The following RABL3 variants were observed in gnomAD, a reference collection of about 807,000 sequenced individuals.
RABL3 encodes rab-like protein 3.
A neutral mutation model predicts 31.8 loss-of-function variants in RABL3; 31 were observed. The observed-to-expected ratio is 0.97, with a 90% CI of 0.73 to 1.31. The LOEUF is 1.31. Ranked by LOEUF, RABL3 falls within the 40% of genes most tolerant of loss-of-function variation. The probability of loss-of-function intolerance (pLI) is 0.00; values close to 1 mark genes in which losing one functional copy is unlikely to be tolerated. For missense variants in RABL3, 263 were observed against 279.6 expected (o/e 0.94, Z 0.42); for synonymous variants, 97 against 99.9 (o/e 0.97, Z 0.18).
At chr3:120,695,695 C>T (rs1241253213) in intron 5 of RABL3, among the ~76,000 whole-genome samples, 1 of 152,070 alleles carries the variant, frequency 6.6e-6, no homozygotes, top group Non-Finnish European at 1.5e-5. Context: ...CACATTTCTA[C>T]AGCAATTGGG....
At chr3:120,714,415 G>A (rs916763701) in intron 2 of RABL3, among the ~76,000 whole-genome samples, 1 of 152,114 alleles carries the variant, frequency 6.6e-6, no homozygotes, top group South Asian at 2.1e-4. Context: ...CATATGTATT[G>A]AAGGAAGAAA....
chr3:120,696,181 T>A (rs1363380962), intron 5 of RABL3, among the ~76,000 whole-genome samples: 1 of 152,238 alleles, frequency 6.6e-6, no homozygotes, highest in Non-Finnish European at 1.5e-5. Flanking sequence ...ACAATTTGCA[T>A]GTATTCAGGC....
chr3:120,701,551 A>G (rs1708491634), intron 4 of RABL3, among the ~76,000 whole-genome samples: 1 of 152,204 alleles, frequency 6.6e-6, no homozygotes. Flanking sequence ...TTAAGTAGAA[A>G]TTTTAGTAGA....
At chr3:120,729,673 G>A (rs910318423) in intron 2 of RABL3, among the ~76,000 whole-genome samples, 2 of 152,060 alleles carry the variant, frequency 1.3e-5, no homozygotes, top group South Asian at 4.1e-4. Flanking sequence ...ATGAAAAACT[G>A]TATAGATATA....
chr3:120,719,276 C>T (rs1281065681), intron 2 of RABL3, among the ~76,000 whole-genome samples: 1 of 152,206 alleles, frequency 6.6e-6, no homozygotes, highest in Admixed American at 6.5e-5. Context: ...GCGTGAGCGA[C>T]ACAGAAGACA....
At chr3:120,716,745 T>C (rs987845843) in intron 2 of RABL3, among the ~76,000 whole-genome samples, 1 of 152,208 alleles carries the variant, frequency 6.6e-6, no homozygotes, top group Non-Finnish European at 1.5e-5. Context: ...ACAAAAACTA[T>C]AACTGCAATA....
At chr3:120,718,174 A>G in intron 2 of RABL3, among the ~76,000 whole-genome samples, 1 of 151,916 alleles carries the variant, frequency 6.6e-6, no homozygotes, top group East Asian at 1.9e-4. Context: ...CCTATCCTCA[A>G]TCTCATTCTA....
chr3:120,693,652 T>A (rs1708404680), intron 6 of RABL3, among the ~76,000 whole-genome samples: 1 of 152,088 alleles, frequency 6.6e-6, no homozygotes, highest in Non-Finnish European at 1.5e-5. Flanking sequence ...AATAAAACAA[T>A]GTTAGCAGAG....
rs748922884 is a variant in RABL3 at position 120,709,826 on chromosome 3, G to A, written c.222C>T (p.Ala74=). 25 of 1,612,318 alleles carry A rather than the reference G, an allele frequency of 1.6e-5. No homozygotes were observed. The highest frequency in any genetic ancestry group is 4.0e-5 in the African/African-American group (3 of 74,854). ...CTGCTCTTGTGCTTTTCACGCTGCT[G>A]GCACTGCCCACAGAGCCTCCAACAT... ...LWDVGGSVGS[A]SSVKSTRAVF... Residue 74 remains alanine (A), a synonymous_variant, in exon 3 of 8, where the codon GCC becomes GCT. Coordinates refer to ENST00000273375, the MANE Select transcript of RABL3 (RefSeq NM_173825.5).
At chr3:120,721,939 C>T (rs1708747453) in intron 2 of RABL3, 1 of 152,190 alleles carries the variant, frequency 6.6e-6, no homozygotes, top group South Asian at 2.1e-4. Flanking sequence ...CAAAGCAATC[C>T]TCAGCAAATG....
At chr3:120,723,275 A>G (rs1214824290) in intron 2 of RABL3, among the ~76,000 whole-genome samples, 3 of 152,344 alleles carry the variant, frequency 2.0e-5, no homozygotes, top group East Asian at 3.9e-4. Flanking sequence ...GAATAGACCA[A>G]TAACAGGCTA....
At chr3:120,742,587 C>T, upstream of RABL3, 1 of 1,385,948 alleles carries the variant, frequency 7.2e-7, no homozygotes, top group Non-Finnish European at 1.0e-6. Flanking sequence ...GCAGAGCCTT[C>T]AATTTCATTG....
At chr3:120,727,115 A>C (rs537079799) in intron 2 of RABL3, among the ~76,000 whole-genome samples, 1 of 152,178 alleles carries the variant, frequency 6.6e-6, no homozygotes, top group African/African-American at 2.4e-5. Context: ...TCAACAAGTT[A>C]GAAAGAAGAC....
chr3:120,717,282 AC>A (rs1278301962), intron 2 of RABL3, among the ~76,000 whole-genome samples: 2 of 113,394 alleles, frequency 1.8e-5, no homozygotes, highest in Non-Finnish European at 4.5e-5. Flanking sequence ...AAAAAAAACA[AC>A]AAAAAAAAAA....
intron 2 of RABL3, among the ~76,000 whole-genome samples, chr3:120,714,060 T>G (rs1234178658): frequency 6.6e-6 from 1 of 152,216 alleles, no homozygotes; most frequent in African/African-American, 2.4e-5. Context: ...TCCGCCTGCC[T>G]TGGCCTCCCA....
intron 2 of RABL3, among the ~76,000 whole-genome samples, chr3:120,726,055 G>T (rs1163016771): frequency 5.3e-5 from 8 of 152,158 alleles, no homozygotes; most frequent in African/African-American, 1.2e-4. Flanking sequence ...GGGCTCGGGT[G>T]ATCCTCCCAC....
intron 2 of RABL3, among the ~76,000 whole-genome samples, chr3:120,721,811 C>A (rs1434164954): frequency 6.6e-6 from 1 of 152,180 alleles, no homozygotes; most frequent in African/African-American, 2.4e-5. Context: ...TTGAACTCAG[C>A]TCTGCACCAA....
In RABL3 at chr3:120,712,422, A is replaced by G. The variant is rs554856026; in HGVS notation, c.139-2513T>C. On this transcript the variant is annotated intron_variant, in intron 2 of 7. Transcript: ENST00000273375. ...AAAAGTTAAACCAAGCAGAAAAAAC[A>G]TATGTTTTAGCAAGATTTCTAAGCA... Among the ~76,000 whole-genome samples, 123 of 152,316 alleles carry G rather than the reference A, an allele frequency of 8.1e-4. 2 individuals are homozygous for G. The South Asian group carries it at 0.023, about 29-fold the overall frequency.
At position 120,742,457 on chromosome 3, in the gene RABL3, C is replaced by T. The variant is rs777428486; in HGVS notation, c.46+5G>A. Reference sequence around the variant, plus strand: ...GGAGCCCCAGAGGTAGGGTAAGCCGCTCACCTGAGTCTCCCAACACCAGTA... The same window carrying T: ...GGAGCCCCAGAGGTAGGGTAAGCCGTTCACCTGAGTCTCCCAACACCAGTA... On this transcript the variant is annotated splice_donor_5th_base_variant and intron_variant, in intron 1 of 7. Transcript: ENST00000273375. 1.1e-5 allele frequency: 17 copies of T among 1,613,976 alleles called. No homozygotes were observed. The highest frequency in any genetic ancestry group is 1.4e-5 in the Non-Finnish European group (16 of 1,179,932).
Sources: gnomAD v4.1 joint callset for allele counts (sites outside exome capture counted in the v4.1 genomes callset) on GRCh38, gnomAD v4.1.1 for gene constraint, MANE v1.5 for transcripts, NCBI Gene and HGNC (gene_info 2026-07-23, HGNC 2026-07-21) for gene names.